The following LRRC4C variants were observed in gnomAD, a reference collection of about 807,000 sequenced individuals.
LRRC4C encodes the protein leucine-rich repeat-containing protein 4C.
LRRC4C carries 5 observed loss-of-function variants against 33.6 expected under a neutral mutation model. That is an observed-to-expected ratio of 0.15 (90% CI 0.08 to 0.31). The LOEUF (loss-of-function observed/expected upper bound fraction) is 0.31. LRRC4C is among the 10% of genes least tolerant of loss of function. The pLI is 1.00. For synonymous variants in LRRC4C, 329 were observed against 302.0 expected, an observed-to-expected ratio of 1.09 and a Z score of -0.93; for missense variants, 560 against 796.7, an observed-to-expected ratio of 0.70 and a Z score of 3.58.
intron 1 of LRRC4C, among the ~76,000 whole-genome samples, chr11:41,383,355 G>A (rs1037160): frequency 0.3 from 46,275 of 151,810 alleles, 7,287 homozygotes; most frequent in East Asian, 0.36. Context: ...TAATCTTAAG[G>A]TCAATCTTAG....
intron 1 of LRRC4C, among the ~76,000 whole-genome samples, chr11:41,237,706 G>A (rs1357439542): frequency 2.0e-5 from 3 of 152,096 alleles, no homozygotes; most frequent in African/African-American, 7.2e-5. Context: ...ATGGTGTGAA[G>A]GAAAGGTGTT....
At chr11:40,143,326 A>G (rs1857502851) in intron 5 of LRRC4C, among the ~76,000 whole-genome samples, 1 of 152,148 alleles carries the variant, frequency 6.6e-6, no homozygotes, top group Non-Finnish European at 1.5e-5. Flanking sequence ...CTCAATGCTC[A>G]ATGGCTTCTC....
At chr11:40,900,430 A>T (rs762910918) in intron 2 of LRRC4C, among the ~76,000 whole-genome samples, 8 of 152,086 alleles carry the variant, frequency 5.3e-5, no homozygotes, top group African/African-American at 1.7e-4. Context: ...TTTAGAAACC[A>T]CTTGGCAATA....
At chr11:41,382,847 T>G (rs1953207887) in intron 1 of LRRC4C, among the ~76,000 whole-genome samples, 1 of 152,124 alleles carries the variant, frequency 6.6e-6, no homozygotes, top group African/African-American at 2.4e-5. Context: ...GGTACTCTCT[T>G]CAAAACAGGG....
chr11:40,479,024 A>G (rs183439036), intron 3 of LRRC4C, among the ~76,000 whole-genome samples: 6 of 152,160 alleles, frequency 3.9e-5, no homozygotes, highest in African/African-American at 1.2e-4. Context: ...TCTGAAATCC[A>G]TATTTGTTTT....
At chr11:40,170,873 A>G (rs928364612) in intron 5 of LRRC4C, among the ~76,000 whole-genome samples, 1 of 152,156 alleles carries the variant, frequency 6.6e-6, no homozygotes, top group East Asian at 1.9e-4. Context: ...GTGATTACAA[A>G]CTTTTGGGAG....
intron 2 of LRRC4C, among the ~76,000 whole-genome samples, chr11:40,849,475 C>T (rs1265480915): frequency 1.3e-5 from 2 of 152,182 alleles, no homozygotes; most frequent in African/African-American, 4.8e-5. Context: ...GGCCCCCACT[C>T]TCTTCTGGCT....
intron 3 of LRRC4C, among the ~76,000 whole-genome samples, chr11:40,606,683 A>G (rs1301735000): frequency 2.0e-5 from 3 of 152,192 alleles, no homozygotes; most frequent in African/African-American, 7.2e-5. Flanking sequence ...TAGAAAATAT[A>G]AGAAAAAAAT....
chr11:40,213,155 A>G lies in LRRC4C; in HGVS notation c.-96+28364T>C, dbSNP rs1348301710. Among the ~76,000 whole-genome samples the G allele has an allele frequency of 2.0e-5, 3 of 152,172 alleles. No homozygotes were observed. In the East Asian group the frequency reaches 5.8e-4, roughly 29 times the overall value. The stretch of plus-strand genomic sequence containing the variant: ...GAATGCAGCTGGGCCAATATTTTGA[A>G]GTGTCTCAAGTACTACAATAATGTA... On this transcript the variant is annotated intron_variant, in intron 5 of 6. Coordinates refer to ENST00000528697, the MANE Select transcript of LRRC4C (RefSeq NM_001258419.2).
At chr11:40,898,697 G>A (rs760335176) in intron 2 of LRRC4C, among the ~76,000 whole-genome samples, 17 of 151,848 alleles carry the variant, frequency 1.1e-4, no homozygotes, top group African/African-American at 1.5e-4. Context: ...AATAAAAATA[G>A]TAGATTCAAA....
chr11:40,968,751 T>C (rs1253902744), intron 1 of LRRC4C, among the ~76,000 whole-genome samples: 1 of 152,144 alleles, frequency 6.6e-6, no homozygotes, highest in Non-Finnish European at 1.5e-5. Flanking sequence ...TTTTGAGACC[T>C]ACTGTTTAGA....
chr11:40,952,882 ACACACACACACACACTCTCTCT>A (rs1162683880), intron 1 of LRRC4C, among the ~76,000 whole-genome samples: 4 of 114,042 alleles, frequency 3.5e-5, no homozygotes, highest in South Asian at 3.8e-4. Flanking sequence ...ACACACACAC[ACACACACACACACACTCTCTCT>A]CTCTCTCTCT....
At chr11:41,301,022 TAAAAC>T (rs1591198087) in intron 1 of LRRC4C, among the ~76,000 whole-genome samples, 1 of 152,148 alleles carries the variant, frequency 6.6e-6, no homozygotes, top group African/African-American at 2.4e-5. Flanking sequence ...GTTTGGATAT[TAAAAC>T]AAAATTAGAA....
At chr11:40,196,316 G>A (rs1862256755) in intron 5 of LRRC4C, among the ~76,000 whole-genome samples, 1 of 152,300 alleles carries the variant, frequency 6.6e-6, no homozygotes, top group Middle Eastern at 3.4e-3. Flanking sequence ...CAGCATTTAT[G>A]ATCCAACTGG....
chr11:40,638,977 T>G (rs1012428278), intron 3 of LRRC4C, among the ~76,000 whole-genome samples: 6 of 152,078 alleles, frequency 3.9e-5, no homozygotes, highest in Non-Finnish European at 8.8e-5. Context: ...GCTTAACAGC[T>G]CCGAGGCTCC....
chr11:40,860,162 G>A (rs1004822636), intron 2 of LRRC4C, among the ~76,000 whole-genome samples: 2 of 151,582 alleles, frequency 1.3e-5, no homozygotes, highest in East Asian at 1.9e-4. Flanking sequence ...AAATGAAAGA[G>A]GTCAAACACA....
At chr11:41,214,803 ATG>A (rs1057266619) in intron 1 of LRRC4C, among the ~76,000 whole-genome samples, 10 of 146,160 alleles carry the variant, frequency 6.8e-5, no homozygotes, top group African/African-American at 2.3e-4. Flanking sequence ...GTGTATATAT[ATG>A]TGTGTGTGTA....
At chr11:40,162,529 C>A (rs1302345747) in intron 5 of LRRC4C, among the ~76,000 whole-genome samples, 1 of 152,136 alleles carries the variant, frequency 6.6e-6, no homozygotes, top group Non-Finnish European at 1.5e-5. Context: ...TTTGGGAGAT[C>A]ACTCTGCAAC....
intron 5 of LRRC4C, among the ~76,000 whole-genome samples, chr11:40,166,947 T>C (rs556332206): frequency 1.3e-5 from 2 of 152,268 alleles, no homozygotes; most frequent in African/African-American, 2.4e-5. Context: ...GGGCCCATGA[T>C]ATAAGTTCAT....
Sources: gnomAD v4.1 joint callset for allele counts (sites outside exome capture counted in the v4.1 genomes callset) on GRCh38, gnomAD v4.1.1 for gene constraint, MANE v1.5 for transcripts, NCBI Gene and HGNC (gene_info 2026-07-23, HGNC 2026-07-21) for gene names.